PRKG1: variants seen among roughly 807,000 people sequenced by gnomAD.
The protein encoded by PRKG1 is protein kinase cGMP-dependent 1.
PRKG1 carries 35 observed loss-of-function variants against 88.1 expected under a neutral mutation model. The ratio of observed to expected loss-of-function variants is 0.40; its 90% CI spans 0.30 to 0.53. The LOEUF (loss-of-function observed/expected upper bound fraction) is 0.53. Ranked by LOEUF, PRKG1 falls within the 20% of genes least tolerant of loss-of-function variation. The probability of loss-of-function intolerance (pLI) is 0.59; values close to 1 mark genes in which losing one functional copy is unlikely to be tolerated. For synonymous variants in PRKG1, 303 were observed against 292.5 expected (o/e 1.04, Z -0.37); for missense variants, 540 against 839.8 (o/e 0.64, Z 4.41).
At chr10:52,182,466 T>C (rs1460557549) in intron 9 of PRKG1, among the ~76,000 whole-genome samples, 6 of 58,658 alleles carry the variant, frequency 1.0e-4, no homozygotes, top group Non-Finnish European at 3.2e-5. Flanking sequence ...ATTTTGGCTT[T>C]TGTTGCCATT....
At chr10:51,851,516 G>C (rs950393422) in intron 4 of PRKG1, among the ~76,000 whole-genome samples, 1 of 152,134 alleles carries the variant, frequency 6.6e-6, no homozygotes, top group Non-Finnish European at 1.5e-5. Flanking sequence ...GGGCAATAAG[G>C]CCTATGGAGG....
At chr10:51,477,054 TA>T (rs761808124) in intron 3 of PRKG1, among the ~76,000 whole-genome samples, 18 of 151,924 alleles carry the variant, frequency 1.2e-4, no homozygotes, top group Non-Finnish European at 2.2e-4. Flanking sequence ...ATTTCTAAAC[TA>T]TATCTCTCTC....
Position 51,153,143 on chromosome 10 carries a change from A to T in PRKG1, c.312-21A>T, listed in dbSNP as rs764780927. ...AAGAGCTTGTCAGATGTGCCAGTAA[A>T]TCTTCCCTCTCTTGCCATAGGTCCA... On this transcript the variant is annotated intron_variant, in intron 1 of 17. Coordinates refer to ENST00000373980, the MANE Select transcript of PRKG1 (RefSeq NM_006258.4). 26 of 1,606,666 alleles carry T rather than the reference A, an allele frequency of 1.6e-5. No individual in the cohort carries two copies. In the East Asian group the frequency reaches 5.8e-4, roughly 36 times the overall value.
chr10:51,835,897 A>G (rs1192391319), intron 4 of PRKG1, among the ~76,000 whole-genome samples: 1 of 152,138 alleles, frequency 6.6e-6, no homozygotes, highest in Non-Finnish European at 1.5e-5. Flanking sequence ...GATACTTGTT[A>G]TGTTTCATGT....
intron 9 of PRKG1, among the ~76,000 whole-genome samples, chr10:52,211,699 T>TTA (rs71459441): frequency 3.3e-5 from 4 of 119,968 alleles, no homozygotes; most frequent in Non-Finnish European, 3.5e-5. Flanking sequence ...CCTATCCTGG[T>TTA]AAAAAAAAAA....
chr10:51,201,980 T>C (rs1589239933), intron 2 of PRKG1, among the ~76,000 whole-genome samples: 1 of 152,230 alleles, frequency 6.6e-6, no homozygotes, highest in African/African-American at 2.4e-5. Context: ...TGTAGGCAGG[T>C]CTTTTTTAAC....
intron 3 of PRKG1, among the ~76,000 whole-genome samples, chr10:51,505,957 G>C (rs1362920011): frequency 3.3e-4 from 48 of 146,256 alleles, no homozygotes; most frequent in Non-Finnish European, 7.6e-5. Context: ...GGGTTTTTTT[G>C]TGTCTCTATT....
In PRKG1 at chr10:51,485,283, G is replaced by C. The variant is rs7091409; in HGVS notation, c.592+17447G>C. The stretch of plus-strand genomic sequence containing the variant: ...ATAAGTATCTGAATCAATTCCTTTG[G>C]AGTTCCAATTATTGGGAAGAAACTA... On this transcript the variant is annotated intron_variant, in intron 3 of 17. Transcript: ENST00000373980. Among the ~76,000 whole-genome samples the C allele has an allele frequency of 3.7e-3, 557 of 152,118 alleles. 5 individuals are homozygous for C. Among genetic ancestry groups the C allele is most frequent in the African/African-American group, 0.013 (522 of 41,508 alleles).
At chr10:51,289,853 AG>A (rs1486566896) in intron 2 of PRKG1, among the ~76,000 whole-genome samples, 1 of 152,158 alleles carries the variant, frequency 6.6e-6, no homozygotes, top group African/African-American at 2.4e-5. Flanking sequence ...GATGGCCTTA[AG>A]GGTGCTTTAA....
At chr10:51,420,222 T>C (rs1025736459) in intron 2 of PRKG1, among the ~76,000 whole-genome samples, 3 of 151,946 alleles carry the variant, frequency 2.0e-5, no homozygotes, top group Non-Finnish European at 4.4e-5. Flanking sequence ...AATTGAGAGG[T>C]GGGTGCCACA....
intron 5 of PRKG1, among the ~76,000 whole-genome samples, chr10:52,021,505 G>A (rs1845183746): frequency 6.6e-6 from 1 of 152,058 alleles, no homozygotes; most frequent in South Asian, 2.1e-4. Flanking sequence ...GATATGGGAA[G>A]ATGTTCAACA....
chr10:51,020,086 A>G (rs1421392358), intron 1 of PRKG1, among the ~76,000 whole-genome samples: 1 of 152,240 alleles, frequency 6.6e-6, no homozygotes, highest in African/African-American at 2.4e-5. Flanking sequence ...GGAAAATAGT[A>G]TGATGGTTTC....
At chr10:51,661,033 G>A (rs201637691) in intron 3 of PRKG1, among the ~76,000 whole-genome samples, 1 of 38,868 alleles carries the variant, frequency 2.6e-5, no homozygotes, top group Non-Finnish European at 9.1e-5. Context: ...AGATTTTATT[G>A]TTGTTGTTGT....
chr10:51,544,064 T>A lies in PRKG1; in HGVS notation c.592+76228T>A, dbSNP rs186248362. 7.9e-4 allele frequency among the ~76,000 whole-genome samples: 120 copies of A among 152,286 alleles called. 1 individual carries two copies. Among genetic ancestry groups the A allele is most frequent in the South Asian group, 2.1e-3 (10 of 4,822 alleles). On this transcript the variant is annotated intron_variant, in intron 3 of 17. Coordinates refer to ENST00000373980, the MANE Select transcript of PRKG1 (RefSeq NM_006258.4). ...ATAAAATCAACATTTTGGTTTTTTT[T>A]AAATTATACTTTAAGTTCTAGGGTA...
chr10:52,004,621 T>A (rs1273084146), intron 5 of PRKG1, among the ~76,000 whole-genome samples: 4 of 152,190 alleles, frequency 2.6e-5, no homozygotes, highest in Non-Finnish European at 1.5e-5. Flanking sequence ...ATGTCATATT[T>A]GGGACTGTTT....
rs374510088 is a variant in PRKG1, at chr10:51,852,335, TAC to T, written c.698+47657_698+47658del. Among the ~76,000 whole-genome samples the T allele has an allele frequency of 1.8e-3, 272 of 150,098 alleles. 7 individuals are homozygous for T. In the South Asian group the frequency reaches 0.053, roughly 29 times the overall value. On this transcript the variant is annotated intron_variant, in intron 4 of 17. Coordinates refer to ENST00000373980, the MANE Select transcript of PRKG1 (RefSeq NM_006258.4). ...GTGTGTGTGTGTATATATATACATA[TAC>T]ACACACACACATACATAGATATACA...
chr10:52,038,307 T>C (rs575277007), intron 5 of PRKG1, among the ~76,000 whole-genome samples: 2 of 151,674 alleles, frequency 1.3e-5, no homozygotes, highest in East Asian at 3.9e-4. Context: ...GTTCGGGGGT[T>C]CTTACCTTCC....
intron 2 of PRKG1, among the ~76,000 whole-genome samples, chr10:51,444,885 GAT>G: frequency 6.6e-6 from 1 of 152,078 alleles, no homozygotes; most frequent in East Asian, 1.9e-4. Flanking sequence ...AGAAAGGTAT[GAT>G]ATTTTGAAGA....
At chr10:51,914,825 T>A (rs1842303079) in intron 5 of PRKG1, among the ~76,000 whole-genome samples, 1 of 152,222 alleles carries the variant, frequency 6.6e-6, no homozygotes, top group Non-Finnish European at 1.5e-5. Flanking sequence ...ATATTTATAC[T>A]TCTATGGCAC....
Sources: gnomAD v4.1 joint callset for allele counts (sites outside exome capture counted in the v4.1 genomes callset) on GRCh38, gnomAD v4.1.1 for gene constraint, MANE v1.5 for transcripts, NCBI Gene and HGNC (gene_info 2026-07-23, HGNC 2026-07-21) for gene names.